Variants in GYG2 observed in about 807,000 individuals in gnomAD.
GYG2 encodes the protein glycogenin-2.
Under a neutral mutation model 29.4 loss-of-function variants are expected in GYG2, and 29 were observed. The observed-to-expected ratio is 0.99, with a 90% CI of 0.74 to 1.35. The LOEUF is 1.35. GYG2 is among the 40% of genes most tolerant of loss of function. The pLI is 0.00. For synonymous variants in GYG2, 167 were observed against 172.3 expected, an observed-to-expected ratio of 0.97 and a Z score of 0.24; for missense variants, 370 against 385.7, an observed-to-expected ratio of 0.96 and a Z score of 0.34.
intron 10 of GYG2, chrX:2,878,271 T>G: frequency 1.7e-6 from 1 of 586,229 alleles, no homozygotes; most frequent in South Asian, 9.0e-5. Flanking sequence ...TCATTACTTT[T>G]TCTTTTTAAA....
At position 2,856,484 on chromosome X, in the gene GYG2, T is replaced by A. The variant is rs764739525; in HGVS notation, c.488-14T>A. 3.7e-5 allele frequency: 44 copies of A among 1,205,431 alleles called. No individual in the cohort carries two copies. Among genetic ancestry groups the A allele is most frequent in the Non-Finnish European group, 4.7e-5 (42 of 893,121 alleles). On this transcript the variant is annotated splice_polypyrimidine_tract_variant and intron_variant, in intron 5 of 10. Transcript: ENST00000398806. Reference sequence around the variant, plus strand: ...TACTTTGCTAACCTGCTTTTGTGTTTGCTCATTATGTAGGGGCAGACCAAG... The same window carrying A: ...TACTTTGCTAACCTGCTTTTGTGTTAGCTCATTATGTAGGGGCAGACCAAG...
At chrX:2,877,656 G>A (rs775945402) in intron 10 of GYG2, 2 of 751,242 alleles carry the variant, frequency 2.7e-6, no homozygotes, top group East Asian at 3.0e-4. Flanking sequence ...AAAATTGGAG[G>A]GAGTGGGGCA....
At position 2,843,371 on chromosome X, in the gene GYG2, C is replaced by T. The variant is rs7059573; in HGVS notation, c.149+17C>T. ...CCTGCTCAGGTAAGGCTCAGAGATGCGGCTTGTGCCCAGCTGGGTCCTATA... is the reference window on the plus strand; with the variant it reads ...CCTGCTCAGGTAAGGCTCAGAGATGTGGCTTGTGCCCAGCTGGGTCCTATA... On this transcript the variant is annotated intron_variant, in intron 3 of 10. Transcript: ENST00000398806. The T allele has an allele frequency of 5.1e-3, 5,976 of 1,171,779 alleles. 218 individuals carry two copies. The African/African-American group carries it at 0.09, about 18-fold the overall frequency.
At position 2,877,717 on chromosome X, in the gene GYG2, A is replaced by T. The variant is rs190641962; in HGVS notation, c.1251+410A>T. ...CATGCAAATAATTTCTTCTTTCAGG[A>T]TGAAATGAGAGATGCATGCTTTCTG... On this transcript the variant is annotated intron_variant, in intron 10 of 10. Coordinates refer to ENST00000398806, the MANE Select transcript of GYG2 (RefSeq NM_001079855.2). 1.1e-5 allele frequency: 8 copies of T among 751,541 alleles called. No homozygotes were observed. The African/African-American group carries it at 1.8e-4, about 17-fold the overall frequency. 61.9% of individuals were successfully genotyped at this position (751,541 alleles called of 1,213,427 possible).
chrX:2,849,973 T>C (rs1422413882), intron 3 of GYG2, among the ~76,000 whole-genome samples: 1 of 110,729 alleles, frequency 9.0e-6, no homozygotes, highest in Non-Finnish European at 1.9e-5. Context: ...TAAAAATTGC[T>C]GAGTGCAGTG....
At chrX:2,876,272 C>A (rs903731659) in intron 9 of GYG2, among the ~76,000 whole-genome samples, 2 of 110,409 alleles carry the variant, frequency 1.8e-5, no homozygotes, top group Non-Finnish European at 3.8e-5. Context: ...TTTTTTTAAA[C>A]TTTTGATAGG....
chrX:2,840,761 G>C (rs1338297881), intron 2 of GYG2, among the ~76,000 whole-genome samples: 1 of 107,873 alleles, frequency 9.3e-6, no homozygotes, highest in East Asian at 2.8e-4. Context: ...ATAGATGATA[G>C]ATATATAGAT....
chrX:2,834,250 A>T (rs2087326803), intron 2 of GYG2, among the ~76,000 whole-genome samples: 1 of 111,875 alleles, frequency 8.9e-6, no homozygotes. Flanking sequence ...TTGGTGTTGG[A>T]GTCAGAGGTG....
intron 10 of GYG2, among the ~76,000 whole-genome samples, chrX:2,880,125 ATTTG>A (rs2088688238): frequency 9.1e-6 from 1 of 109,898 alleles, no homozygotes; most frequent in African/African-American, 3.3e-5. Flanking sequence ...AAGCAAATGT[ATTTG>A]TTCTTTTTGT....
intron 10 of GYG2, chrX:2,877,582 G>A: frequency 1.1e-6 from 1 of 904,282 alleles, no homozygotes; most frequent in Non-Finnish European, 1.4e-6. Flanking sequence ...CAGGAGGGAA[G>A]TTGAGGGACT....
chrX:2,866,846 G>T (rs906820114), intron 8 of GYG2, among the ~76,000 whole-genome samples: 4 of 109,382 alleles, frequency 3.7e-5, no homozygotes, highest in Non-Finnish European at 7.6e-5. Context: ...TTAAAAAAAA[G>T]TATGTTCAAC....
intron 8 of GYG2, among the ~76,000 whole-genome samples, chrX:2,864,776 T>C (rs1254615528): frequency 9.1e-6 from 1 of 109,337 alleles, no homozygotes; most frequent in Non-Finnish European, 1.9e-5. Context: ...TTTTTTTTTT[T>C]TGAGATGGAG....
At chrX:2,862,707 G>A (rs2088198853) in intron 8 of GYG2, among the ~76,000 whole-genome samples, 1 of 111,347 alleles carries the variant, frequency 9.0e-6, no homozygotes, top group South Asian at 3.8e-4. Flanking sequence ...AATGGAGGCC[G>A]TCATTTCTCC....
chrX:2,855,245 T>C, intron 5 of GYG2, 90 bp downstream of exon 5: 1 of 801,730 alleles, frequency 1.2e-6, no homozygotes, highest in African/African-American at 2.0e-5. Context: ...GACCATACAG[T>C]CACACCTCGC....
In GYG2 at chrX:2,881,184, C is replaced by T. The variant is rs1370811732; in HGVS notation, c.1384C>T (p.Gln462Ter). Residue 462 changes from glutamine (Q) to a stop codon, truncating the protein, a stop_gained, in exon 11 of 11, where the codon CAG becomes TAG. Coordinates refer to ENST00000398806, the MANE Select transcript of GYG2 (RefSeq NM_001079855.2). LOFTEE classifies it high-confidence loss of function. ...GGGGAAGGACGCGTTTGCTCGCATC[C>T]AGGAGAAGCTGGACCGGTTCCTGCA... is the stretch of plus-strand genomic sequence containing the variant. Reference protein sequence around the residue: ...YMGKDAFARIQEKLDRFLQ With the variant: ...YMGKDAFARI The T allele has an allele frequency of 8.4e-6, 10 of 1,196,093 alleles. No individual in the cohort carries two copies. Among genetic ancestry groups the T allele is most frequent in the Middle Eastern group, 2.3e-4 (1 of 4,337 alleles).
chrX:2,848,280 T>C (rs756637908), intron 3 of GYG2, among the ~76,000 whole-genome samples: 116 of 111,562 alleles, frequency 1.0e-3, no homozygotes, highest in African/African-American at 3.6e-3. Context: ...ACCTCACGCC[T>C]GTAATCCCAG....
intron 9 of GYG2, among the ~76,000 whole-genome samples, chrX:2,876,566 G>T (rs2147274190): frequency 9.0e-6 from 1 of 111,635 alleles, no homozygotes; most frequent in East Asian, 2.8e-4. Context: ...TTGGTGGATG[G>T]CTCAGAAAAA....
intron 10 of GYG2, chrX:2,878,216 G>A (rs1364818747): frequency 5.8e-5 from 43 of 743,054 alleles, no homozygotes; most frequent in South Asian, 6.9e-5. Context: ...TAAGACCTAC[G>A]TTGGACAGCT....
At chrX:2,857,170 G>GACCTATATA (rs1569065032) in intron 6 of GYG2, among the ~76,000 whole-genome samples, 1 of 92,678 alleles carries the variant, frequency 1.1e-5, no homozygotes, top group Admixed American at 1.1e-4. Flanking sequence ...AGACCTAGAT[G>GACCTATATA]TCTATCTATC....
Sources: gnomAD v4.1 joint callset for allele counts (sites outside exome capture counted in the v4.1 genomes callset) on GRCh38, gnomAD v4.1.1 for gene constraint, MANE v1.5 for transcripts, NCBI Gene and HGNC (gene_info 2026-07-23, HGNC 2026-07-21) for gene names.